PHYKPL: variants seen among roughly 807,000 people sequenced by gnomAD.
The protein encoded by PHYKPL is 5-phosphohydroxy-L-lysine phospho-lyase.
In PHYKPL, 42 loss-of-function variants were observed where a neutral mutation model predicts 51.3. The ratio of observed to expected loss-of-function variants is 0.82; its 90% confidence interval spans 0.64 to 1.06. The LOEUF (loss-of-function observed/expected upper bound fraction) is 1.06. PHYKPL is among the 50% of genes least tolerant of loss of function. The pLI is 0.00. For missense variants in PHYKPL, 655 were observed against 586.6 expected (o/e 1.12, Z -1.20); for synonymous variants, 264 against 236.0 (o/e 1.12, Z -1.09).
intron 12 of PHYKPL, chr5:178,209,492 A>T (rs753785383): frequency 6.5e-7 from 1 of 1,532,562 alleles, no homozygotes; most frequent in East Asian, 2.3e-5. Context: ...CCCTGCCTAC[A>T]TGGAGCCTTC....
At chr5:178,230,856 G>C (rs191305411) in intron 2 of PHYKPL, 2 of 153,674 alleles carry the variant, frequency 1.3e-5, no homozygotes, top group African/African-American at 4.8e-5. Context: ...TAACTTGCCC[G>C]AGATCACAAG....
rs1338403884 is a variant in PHYKPL, at chr5:178,231,455, T to G, written c.128A>C (p.Tyr43Ser). ...KIVRAQGQYMYDEQGAEYIDC... is the reference protein window; with the variant it reads ...KIVRAQGQYMSDEQGAEYIDC... ...GATGTATTCTGCCCCCTGTTCATCG[T>G]ACATGTACTGCCCTTGGGCCCGGAC... is the stretch of plus-strand genomic sequence containing the variant. The change falls in exon 2 of 13, where the codon TAC (tyrosine) becomes TCC (serine). Residue 43 changes from tyrosine (Y) to serine (S), a missense_variant. Transcript: ENST00000308158. 6.2e-7 allele frequency: 1 copy of G among 1,614,212 alleles called. No individual in the cohort carries two copies. The highest frequency in any genetic ancestry group is 1.7e-5 in the Admixed American group (1 of 60,016).
chr5:178,232,210 G>T, intron 1 of PHYKPL: 1 of 1,256,886 alleles, frequency 8.0e-7, no homozygotes, highest in South Asian at 2.4e-5. Context: ...GGCTGACACA[G>T]CCGAACAGCG....
At chr5:178,207,292 TA>T, downstream of PHYKPL, 1 of 1,587,212 alleles carries the variant, frequency 6.3e-7, no homozygotes, top group Non-Finnish European at 8.6e-7. Flanking sequence ...AGGGATGGGT[TA>T]GGGGTTGGGC....
intron 8 of PHYKPL, 52 bp downstream of exon 8, chr5:178,222,303 C>T (rs568493755): frequency 1.2e-4 from 180 of 1,496,878 alleles, no homozygotes; most frequent in African/African-American, 2.9e-4. Flanking sequence ...GGCTGATCAC[C>T]GGGGGCCTAT....
chr5:178,213,160 T>TGGCCTC, intron 10 of PHYKPL, 57 bp from the exon 11 acceptor site: 2 of 1,598,292 alleles, frequency 1.3e-6, no homozygotes, highest in Non-Finnish European at 8.5e-7. Flanking sequence ...AGCCTGGCCT[T>TGGCCTC]GGCCTCATGT....
At chr5:178,230,224 G>C in intron 2 of PHYKPL, 125 bp from the exon 3 acceptor site, 2 of 1,251,366 alleles carry the variant, frequency 1.6e-6, no homozygotes, top group African/African-American at 3.0e-5. Context: ...GTAGAAAGAG[G>C]GCAGTCTGAA....
At chr5:178,231,624 C>G (rs574168434) in intron 1 of PHYKPL, 101 bp from the exon 2 acceptor site, 1 of 1,605,194 alleles carries the variant, frequency 6.2e-7, no homozygotes, top group Non-Finnish European at 8.5e-7. Context: ...TTTCTGGTGG[C>G]GGGGGGGAAA....
At chr5:178,228,354 T>A in intron 3 of PHYKPL, 5 of 580,480 alleles carry the variant, frequency 8.6e-6, no homozygotes, top group Non-Finnish European at 1.5e-5. Flanking sequence ...TTCCGGAGAG[T>A]GGTAACTGTC....
In PHYKPL at chr5:178,208,695, C is replaced by A. The variant is rs1202128254; in HGVS notation, c.*252G>T. 1 of 152,318 alleles carries A rather than the reference C, an allele frequency of 6.6e-6. No individual in the cohort carries two copies. Among genetic ancestry groups the A allele is most frequent in the African/African-American group, 2.4e-5 (1 of 41,414 alleles). 9.4% of individuals were successfully genotyped at this position (152,318 alleles called of 1,614,324 possible). A position where few individuals can be genotyped will look rare whatever the true frequency, so the allele number is the denominator to read the frequency against. On this transcript the variant is annotated 3_prime_UTR_variant, in exon 13 of 13. Coordinates refer to ENST00000308158, the MANE Select transcript of PHYKPL (RefSeq NM_153373.4). Reference sequence around the variant, plus strand: ...GAGCACTTTAAAGTATCCCACCCTACCCCATTCCACCCCCAGTGGACAGAA... The same window carrying A: ...GAGCACTTTAAAGTATCCCACCCTAACCCATTCCACCCCCAGTGGACAGAA...
chr5:178,212,203 A>G (rs1363586479), intron 11 of PHYKPL, among the ~76,000 whole-genome samples: 1 of 152,210 alleles, frequency 6.6e-6, no homozygotes, highest in Non-Finnish European at 1.5e-5. Context: ...TTCTGTGGCC[A>G]GCCTTTGCTC....
At chr5:178,228,606 G>A (rs1006019711) in intron 3 of PHYKPL, 1 of 702,428 alleles carries the variant, frequency 1.4e-6, no homozygotes, top group African/African-American at 1.7e-5. Context: ...AATGAAGATG[G>A]TGAATTCCAC....
intron 8 of PHYKPL, among the ~76,000 whole-genome samples, chr5:178,219,386 T>G: frequency 6.9e-6 from 1 of 145,050 alleles, no homozygotes; most frequent in East Asian, 2.0e-4. Flanking sequence ...CTCCCACAAA[T>G]AAAATTAAGC....
In PHYKPL at chr5:178,231,580, T is replaced by G; in HGVS notation, c.60-57A>C. On this transcript the variant is annotated intron_variant, in intron 1 of 12. Coordinates refer to ENST00000308158, the MANE Select transcript of PHYKPL (RefSeq NM_153373.4). ...GTCTGAAGACCGAAAGGGTGAAGTCTACTCATCGCAGACCCCCGCCCACCC... is the reference window on the plus strand; with the variant it reads ...GTCTGAAGACCGAAAGGGTGAAGTCGACTCATCGCAGACCCCCGCCCACCC... 1.9e-6 allele frequency: 3 copies of G among 1,612,986 alleles called. No individual in the cohort carries two copies. In the South Asian group the frequency reaches 3.3e-5, roughly 18 times the overall value.
At chr5:178,215,759 C>A (rs763979814) in intron 8 of PHYKPL, 1 of 263,446 alleles carries the variant, frequency 3.8e-6, no homozygotes, top group African/African-American at 2.3e-5. Flanking sequence ...AAGGCCCCAT[C>A]TCCTGGGCCC....
chr5:178,212,227 T>G (rs1425977373), intron 11 of PHYKPL, among the ~76,000 whole-genome samples: 1 of 152,182 alleles, frequency 6.6e-6, no homozygotes, highest in African/African-American at 2.4e-5. Flanking sequence ...ACAAACACAC[T>G]CCTATTCATC....
At chr5:178,213,240 A>G (rs1759015119) in intron 10 of PHYKPL, 137 bp from the exon 11 acceptor site, 1 of 1,199,090 alleles carries the variant, frequency 8.3e-7, no homozygotes, top group Non-Finnish European at 1.2e-6. Context: ...TTTACTGGTC[A>G]CCTCTCCCAG....
intron 1 of PHYKPL, 176 bp downstream of exon 1, chr5:178,232,316 C>A: frequency 7.9e-7 from 1 of 1,266,148 alleles, no homozygotes; most frequent in Non-Finnish European, 9.9e-7. Context: ...CCCAACGGCG[C>A]CGCCCGCCTC....
chr5:178,215,037 G>T, intron 9 of PHYKPL, 152 bp from the exon 10 acceptor site: 2 of 835,586 alleles, frequency 2.4e-6, no homozygotes, highest in Non-Finnish European at 3.7e-6. Flanking sequence ...GGAATAACTG[G>T]GCTGGGAGAG....
Sources: gnomAD v4.1 joint callset for allele counts (sites outside exome capture counted in the v4.1 genomes callset) on GRCh38, gnomAD v4.1.1 for gene constraint, MANE v1.5 for transcripts, NCBI Gene and HGNC (gene_info 2026-07-23, HGNC 2026-07-21) for gene names.